The following ADD2 variants were observed in gnomAD, a reference collection of about 807,000 sequenced individuals.
The protein encoded by ADD2 is adducin 2, also known as beta-adducin.
In ADD2, 23 loss-of-function variants were observed where a neutral mutation model predicts 83.0. The observed-to-expected ratio is 0.28, with a 90% confidence interval of 0.20 to 0.39. ADD2 has a LOEUF of 0.39. Ranked by LOEUF, ADD2 falls within the 10% of genes least tolerant of loss-of-function variation. ADD2 has a pLI of 1.00. For synonymous variants in ADD2, 375 were observed against 375.4 expected, an observed-to-expected ratio of 1.00 and a Z score of 0.01; for missense variants, 758 against 944.9, an observed-to-expected ratio of 0.80 and a Z score of 2.59.
chr2:70,767,497 G>A (rs1286653088), intron 1 of ADD2: 5 of 410,618 alleles, frequency 1.2e-5, no homozygotes, highest in African/African-American at 8.8e-5. Flanking sequence ...GGCCGAGCGG[G>A]AAGGAAAGAG....
chr2:70,746,020 T>G (rs544865438), intron 1 of ADD2, among the ~76,000 whole-genome samples: 1 of 152,198 alleles, frequency 6.6e-6, no homozygotes, highest in African/African-American at 2.4e-5. Context: ...ATAATAGATA[T>G]CCCTTTTTCA....
At position 70,767,966 on chromosome 2, in the gene ADD2, C is replaced by T; in HGVS notation, c.-234G>A. ...TTTTATGGGTTTGGGGGGTGGGGTG[C>T]GCTTAAAAAATCCACCCAGCTAATC... On this transcript the variant is annotated 5_prime_UTR_variant, in exon 1 of 16. Coordinates refer to ENST00000264436, the MANE Select transcript of ADD2 (RefSeq NM_001617.4). 1 of 1,535,208 alleles carries T rather than the reference C, an allele frequency of 6.5e-7. No homozygotes were observed. The highest frequency in any genetic ancestry group is 8.7e-7 in the Non-Finnish European group (1 of 1,146,466).
Position 70,695,774 on chromosome 2 carries a change from A to G in ADD2, c.502T>C (p.Phe168Leu). 6.2e-7 allele frequency: 1 copy of G among 1,614,182 alleles called. No homozygotes were observed. Among genetic ancestry groups the G allele is most frequent in the Non-Finnish European group, 8.5e-7 (1 of 1,180,032 alleles). The change falls in exon 6 of 16, where the codon TTC becomes CTC. Residue 168 changes from phenylalanine (F) to leucine (L), a missense_variant. By Grantham distance (22) the Phe-to-Leu change is conservative. Transcript: ENST00000264436. ...GAAACTCCCTTAGGGCTGATCAGGA[A>G]GTGGTCCTGCTCCTTGCTGACTCTC... ...TLRVSKEQDH[F>L]LISPKGVSCS...
At chr2:70,751,167 G>C (rs1674488492) in intron 1 of ADD2, among the ~76,000 whole-genome samples, 1 of 152,180 alleles carries the variant, frequency 6.6e-6, no homozygotes, top group Admixed American at 6.5e-5. Flanking sequence ...ATAATGAAGA[G>C]GTTGGACTGG....
At position 70,676,768 on chromosome 2, in the gene ADD2, C is replaced by T. The variant is rs782028665; in HGVS notation, c.1593+28G>A. On this transcript the variant is annotated intron_variant, in intron 13 of 15. Transcript: ENST00000264436. This position sits in a 1 kb window ranked among gnomAD's most constrained non-coding sequence, Gnocchi z 4.8. Reference sequence around the variant, plus strand: ...GACCCCGAAGGCAAACACGTTTCCCCGCCAGTCAGGGGCAGCCTCTGCTCT... The same window carrying T: ...GACCCCGAAGGCAAACACGTTTCCCTGCCAGTCAGGGGCAGCCTCTGCTCT... 52 of 1,613,938 alleles carry T rather than the reference C, an allele frequency of 3.2e-5. No individual in the cohort carries two copies. The highest frequency in any genetic ancestry group is 9.3e-5 in the African/African-American group (7 of 74,908).
chr2:70,761,330 T>C (rs1191723673), intron 1 of ADD2, among the ~76,000 whole-genome samples: 2 of 151,678 alleles, frequency 1.3e-5, no homozygotes, highest in Non-Finnish European at 2.9e-5. Context: ...AAATTAAAGC[T>C]GGGCACAGTG....
At chr2:70,672,801 G>A (rs1553367334) in intron 15 of ADD2, 77 bp downstream of exon 15, 11 of 1,483,578 alleles carry the variant, frequency 7.4e-6, no homozygotes, top group South Asian at 1.3e-5. Context: ...GGGGCAACAC[G>A]AGTGGAAGGC....
In ADD2 at chr2:70,768,091, G is replaced by A; in HGVS notation, c.-359C>T. 1 of 941,598 alleles carries A rather than the reference G, an allele frequency of 1.1e-6. No homozygotes were observed. Among genetic ancestry groups the A allele is most frequent in the Non-Finnish European group, 1.5e-6 (1 of 645,322 alleles). 58.3% of individuals were successfully genotyped at this position (941,598 alleles called of 1,614,324 possible). ...CGGCTCCGCGGCGGCGGGGATGACT[G>A]GCCACCGACGCCGCAGTTCCTTGAC... is the stretch of plus-strand genomic sequence containing the variant. On this transcript the variant is annotated 5_prime_UTR_variant, in exon 1 of 16. Transcript: ENST00000264436.
rs1336553945 is a variant in ADD2 at position 70,659,207 on chromosome 2, T to A, written c.*4218A>T. ...AGAAAAAACATGTCATGCAGACCTA[T>A]GCGTAGGCTGTGTGTTTACCCTCCA... On this transcript the variant is annotated 3_prime_UTR_variant, in exon 16 of 16. Transcript: ENST00000264436. 1 of 149,444 alleles carries A rather than the reference T, an allele frequency of 6.7e-6. No homozygotes were observed. Among genetic ancestry groups the A allele is most frequent in the Non-Finnish European group, 1.5e-5 (1 of 67,546 alleles). The allele number at this position is 149,444 out of a possible 1,614,324, so 9.3% of individuals were successfully genotyped here.
At chr2:70,736,945 A>C (rs1448612819) in intron 1 of ADD2, among the ~76,000 whole-genome samples, 1 of 152,220 alleles carries the variant, frequency 6.6e-6, no homozygotes, top group African/African-American at 2.4e-5. Flanking sequence ...AAAAGAAGAC[A>C]TTTATGCAGC....
rs552976770 is a variant in ADD2 at position 70,661,471 on chromosome 2, G to A, written c.*1954C>T. 1 of 152,320 alleles carries A rather than the reference G, an allele frequency of 6.6e-6. No individual in the cohort carries two copies. The highest frequency in any genetic ancestry group is 1.9e-4 in the East Asian group (1 of 5,194). The allele number at this position is 152,320 out of a possible 1,614,324, so 9.4% of individuals were successfully genotyped here. ...TAAAATTTGACCCAATCAGGAAGTA[G>A]AACAGAGATGGAGCCTGGGGTAGCA... On this transcript the variant is annotated 3_prime_UTR_variant, in exon 16 of 16. Coordinates refer to ENST00000264436, the MANE Select transcript of ADD2 (RefSeq NM_001617.4).
At chr2:70,747,131 C>G (rs1369091208) in intron 1 of ADD2, among the ~76,000 whole-genome samples, 1 of 151,606 alleles carries the variant, frequency 6.6e-6, no homozygotes, top group African/African-American at 2.4e-5. Flanking sequence ...CTGCCTCAGC[C>G]TCCCGAGTAG....
chr2:70,706,193 G>A lies in ADD2; in HGVS notation c.183+33C>T. ...ACGTCCTGAAGAGCCAGCGCCCCCT[G>A]CGCCCTCTCCCGCCCGGGTCAGCCC... is the stretch of plus-strand genomic sequence containing the variant. On this transcript the variant is annotated intron_variant, in intron 3 of 15. Transcript: ENST00000264436. This position sits in a 1 kb window ranked among gnomAD's most constrained non-coding sequence, Gnocchi z 5.0. 1 of 1,606,186 alleles carries A rather than the reference G, an allele frequency of 6.2e-7. No homozygotes were observed. The highest frequency in any genetic ancestry group is 8.5e-7 in the Non-Finnish European group (1 of 1,174,904).
intron 8 of ADD2, among the ~76,000 whole-genome samples, chr2:70,690,260 C>G (rs966140552): frequency 6.6e-5 from 10 of 152,092 alleles, no homozygotes; most frequent in Non-Finnish European, 1.3e-4. Flanking sequence ...CCAAGCTTCA[C>G]TAATTTTTGT....
chr2:70,743,281 A>C (rs569685575), intron 1 of ADD2, among the ~76,000 whole-genome samples: 26 of 152,350 alleles, frequency 1.7e-4, no homozygotes, highest in African/African-American at 6.3e-4. Context: ...GATAATACAT[A>C]CAGTAGCATA....
In ADD2 at chr2:70,690,779, A is replaced by G. The variant is rs991169867; in HGVS notation, c.849+7T>C. On this transcript the variant is annotated splice_region_variant and intron_variant, in intron 8 of 15. Transcript: ENST00000264436. ...CTAGATTATTGTCCCAGAAGAGCTA[A>G]GCTAACCTTGCAGGTGGGTCCAAGG... 6.2e-7 allele frequency: 1 copy of G among 1,609,988 alleles called. No homozygotes were observed. Among genetic ancestry groups the G allele is most frequent in the African/African-American group, 1.3e-5 (1 of 74,886 alleles).
intron 15 of ADD2, 91 bp from the exon 16 acceptor site, chr2:70,663,826 A>G: frequency 7.3e-7 from 1 of 1,364,224 alleles, no homozygotes; most frequent in Non-Finnish European, 9.9e-7. Flanking sequence ...AGGGAATTCT[A>G]TAAAATCAAT....
chr2:70,741,897 C>A (rs568002908), intron 1 of ADD2, among the ~76,000 whole-genome samples: 1 of 151,576 alleles, frequency 6.6e-6, no homozygotes, highest in South Asian at 2.1e-4. Flanking sequence ...CCCCACACAT[C>A]CCACCCAGCT....
intron 1 of ADD2, among the ~76,000 whole-genome samples, chr2:70,750,209 G>A (rs539633868): frequency 6.6e-6 from 1 of 152,172 alleles, no homozygotes; most frequent in Non-Finnish European, 1.5e-5. Flanking sequence ...AAGTGTGCAC[G>A]TGCTCATGCT....
Sources: gnomAD v4.1 joint callset for allele counts (sites outside exome capture counted in the v4.1 genomes callset) on GRCh38, gnomAD v4.1.1 for gene constraint, Gnocchi (gnomAD v3.1) non-coding constraint, MANE v1.5 for transcripts, NCBI Gene and HGNC (gene_info 2026-07-23, HGNC 2026-07-21) for gene names.